The following XKR4 variants were observed in gnomAD, a reference collection of about 807,000 sequenced individuals.
XKR4 encodes XK-related protein 4.
A neutral mutation model predicts 53.9 loss-of-function variants in XKR4; 12 were observed. The observed-to-expected ratio is 0.22, with a 90% CI of 0.14 to 0.36. The LOEUF (loss-of-function observed/expected upper bound fraction) is 0.36. Among genes scored for constraint, XKR4 ranks in the 10% least tolerant of loss-of-function variants. The pLI is 1.00. For missense variants in XKR4, 799 were observed against 859.5 expected (o/e 0.93, Z 0.88); for synonymous variants, 354 against 362.4 (o/e 0.98, Z 0.26).
intron 1 of XKR4, among the ~76,000 whole-genome samples, chr8:55,334,229 T>C (rs1028714288): frequency 4.6e-5 from 7 of 152,218 alleles, no homozygotes; most frequent in African/African-American, 1.7e-4. Flanking sequence ...ATGAAGTGAT[T>C]ACATAGAAGA....
At chr8:55,423,181 T>C (rs1804961755) in intron 2 of XKR4, among the ~76,000 whole-genome samples, 1 of 151,994 alleles carries the variant, frequency 6.6e-6, no homozygotes. Flanking sequence ...CTGCAACCTC[T>C]ACCTCCCAGG....
At chr8:55,507,550 G>A (rs1007066793) in intron 2 of XKR4, among the ~76,000 whole-genome samples, 1 of 152,000 alleles carries the variant, frequency 6.6e-6, no homozygotes, top group Non-Finnish European at 1.5e-5. Flanking sequence ...CCCTTCCTGT[G>A]TCCATGTGTT....
At chr8:55,304,047 A>G (rs2077416818) in intron 1 of XKR4, among the ~76,000 whole-genome samples, 1 of 151,794 alleles carries the variant, frequency 6.6e-6, no homozygotes, top group Non-Finnish European at 1.5e-5. Flanking sequence ...TAGCTTTTGA[A>G]TGTGTTTGCT....
intron 1 of XKR4, among the ~76,000 whole-genome samples, chr8:55,148,913 C>G (rs1585905229): frequency 6.6e-6 from 1 of 152,226 alleles, no homozygotes; most frequent in South Asian, 2.1e-4. Context: ...GAGGTGCTTC[C>G]CCACTATGAA....
intron 1 of XKR4, among the ~76,000 whole-genome samples, chr8:55,352,512 T>C (rs1214749510): frequency 6.6e-6 from 1 of 152,232 alleles, no homozygotes; most frequent in East Asian, 1.9e-4. Flanking sequence ...GTGATGGAAA[T>C]TGGATTCAAT....
At chr8:55,483,434 G>A (rs1806143399) in intron 2 of XKR4, among the ~76,000 whole-genome samples, 1 of 152,072 alleles carries the variant, frequency 6.6e-6, no homozygotes, top group South Asian at 2.1e-4. Flanking sequence ...CATTAAATTT[G>A]GCTAGAAATA....
intron 2 of XKR4, among the ~76,000 whole-genome samples, chr8:55,512,292 G>A (rs952352937): frequency 3.9e-5 from 6 of 152,290 alleles, no homozygotes; most frequent in South Asian, 4.1e-4. Flanking sequence ...ACCTTGCCAC[G>A]TGGCTGCCAA....
At chr8:55,428,736 T>A (rs1563347630) in intron 2 of XKR4, among the ~76,000 whole-genome samples, 1 of 152,130 alleles carries the variant, frequency 6.6e-6, no homozygotes, top group Non-Finnish European at 1.5e-5. Context: ...GTGCAGGACT[T>A]CTATGCCAAA....
intron 2 of XKR4, among the ~76,000 whole-genome samples, chr8:55,477,615 A>G (rs976756352): frequency 6.6e-6 from 1 of 152,162 alleles, no homozygotes; most frequent in African/African-American, 2.4e-5. Context: ...TCCGAGCTAC[A>G]GGAGGAAATT....
At chr8:55,141,865 T>C (rs964957076) in intron 1 of XKR4, among the ~76,000 whole-genome samples, 1 of 152,010 alleles carries the variant, frequency 6.6e-6, no homozygotes, top group Non-Finnish European at 1.5e-5. Context: ...CTAAGGGGCA[T>C]AGAGGGGTGG....
chr8:55,495,199 G>T (rs969510307), intron 2 of XKR4, among the ~76,000 whole-genome samples: 3 of 152,202 alleles, frequency 2.0e-5, no homozygotes, highest in Non-Finnish European at 4.4e-5. Context: ...CCCCTACTTT[G>T]CTCTGAGATT....
chr8:55,466,453 G>C (rs1020025340), intron 2 of XKR4, among the ~76,000 whole-genome samples: 1 of 151,894 alleles, frequency 6.6e-6, no homozygotes, highest in African/African-American at 2.4e-5. Context: ...CATGGACACA[G>C]GAAGGTGAAC....
intron 1 of XKR4, among the ~76,000 whole-genome samples, chr8:55,225,643 A>T (rs1223717021): frequency 6.6e-6 from 1 of 152,242 alleles, no homozygotes; most frequent in East Asian, 1.9e-4. Context: ...CAGATGCAGA[A>T]CTATGCATGA....
intron 1 of XKR4, among the ~76,000 whole-genome samples, chr8:55,350,776 G>C (rs991814815): frequency 1.7e-4 from 20 of 117,102 alleles, no homozygotes; most frequent in African/African-American, 6.0e-4. Context: ...GTCTTGCTCT[G>C]TCACCCTGGC....
At chr8:55,224,967 C>T (rs766561460) in intron 1 of XKR4, among the ~76,000 whole-genome samples, 10 of 152,052 alleles carry the variant, frequency 6.6e-5, no homozygotes, top group South Asian at 4.2e-4. Context: ...AATTAATGAA[C>T]GATACATATG....
chr8:55,238,407 G>A (rs1260436581), intron 1 of XKR4, among the ~76,000 whole-genome samples: 1 of 152,136 alleles, frequency 6.6e-6, no homozygotes, highest in East Asian at 1.9e-4. Flanking sequence ...AGGAGGAGGA[G>A]GAAAAGGAAG....
At chr8:55,379,250 G>T (rs751373541) in intron 2 of XKR4, among the ~76,000 whole-genome samples, 1 of 152,112 alleles carries the variant, frequency 6.6e-6, no homozygotes, top group Non-Finnish European at 1.5e-5. Context: ...GCACTCAAGA[G>T]GCATGTCATT....
At chr8:55,212,853 C>T (rs1289343222) in intron 1 of XKR4, among the ~76,000 whole-genome samples, 1 of 151,904 alleles carries the variant, frequency 6.6e-6, no homozygotes, top group African/African-American at 2.4e-5. Flanking sequence ...GTTTTTGTAA[C>T]AGAATAGCTA....
chr8:55,227,619 G>A (rs1447453221), intron 1 of XKR4, among the ~76,000 whole-genome samples: 1 of 152,230 alleles, frequency 6.6e-6, no homozygotes, highest in Non-Finnish European at 1.5e-5. Flanking sequence ...AATAAGACTT[G>A]AAAGGGCCCT....
Sources: allele counts gnomAD v4.1 joint callset (sites outside exome capture counted in the v4.1 genomes callset), GRCh38; gene constraint gnomAD v4.1.1; transcripts MANE v1.5; gene names NCBI Gene and HGNC (gene_info 2026-07-23, HGNC 2026-07-21).